The following SYT1 variants were observed in gnomAD, a reference collection of about 807,000 sequenced individuals.
SYT1 encodes synaptotagmin-1.
In SYT1, 8 loss-of-function variants were observed where a neutral mutation model predicts 44.8. The observed-to-expected ratio is 0.18, with a 90% CI of 0.10 to 0.32. The LOEUF (loss-of-function observed/expected upper bound fraction) is 0.32, where lower values mean the gene tolerates loss of function less well. SYT1 is among the 10% of genes least tolerant of loss of function. The pLI is 1.00. For missense variants in SYT1, 286 were observed against 509.3 expected (o/e 0.56, Z 4.22); for synonymous variants, 154 against 188.8 (o/e 0.82, Z 1.51).
chr12:79,313,933 G>T (rs1328521574), intron 8 of SYT1, among the ~76,000 whole-genome samples: 1 of 151,806 alleles, frequency 6.6e-6, no homozygotes, highest in Non-Finnish European at 1.5e-5. Flanking sequence ...ACTTTGGGAG[G>T]CCGAGGCGGG....
chr12:78,960,927 A>C (rs1342658307), intron 1 of SYT1, among the ~76,000 whole-genome samples: 26 of 152,158 alleles, frequency 1.7e-4, no homozygotes, highest in Admixed American at 1.7e-3. Context: ...TAAAACTATC[A>C]GAATTGTTTT....
At chr12:79,143,602 C>G (rs1165830672) in intron 3 of SYT1, among the ~76,000 whole-genome samples, 1 of 152,180 alleles carries the variant, frequency 6.6e-6, no homozygotes, top group African/African-American at 2.4e-5. Context: ...ACCCACAACC[C>G]AGTCATTTTA....
intron 1 of SYT1, among the ~76,000 whole-genome samples, chr12:78,899,910 AT>A (rs1276959620): frequency 6.6e-6 from 1 of 152,048 alleles, no homozygotes; most frequent in Admixed American, 6.6e-5. Context: ...ATTTTGTTAT[AT>A]AATTGAATTT....
intron 3 of SYT1, among the ~76,000 whole-genome samples, chr12:79,103,610 CATA>C (rs1263025500): frequency 2.6e-5 from 4 of 151,676 alleles, no homozygotes; most frequent in Non-Finnish European, 5.9e-5. Flanking sequence ...AATAATATAG[CATA>C]ATATTTATTC....
intron 3 of SYT1, among the ~76,000 whole-genome samples, chr12:79,106,851 T>C (rs1878746285): frequency 1.3e-5 from 2 of 152,112 alleles, no homozygotes. Flanking sequence ...TGCTAGTTTT[T>C]CCTCTACTTT....
At chr12:79,230,753 C>A (rs1565865923) in intron 4 of SYT1, among the ~76,000 whole-genome samples, 1 of 152,026 alleles carries the variant, frequency 6.6e-6, no homozygotes, top group Non-Finnish European at 1.5e-5. Flanking sequence ...ACAGTAAGCA[C>A]AAAAAGCCAC....
chr12:79,107,638 T>C (rs1280769888), intron 3 of SYT1, among the ~76,000 whole-genome samples: 1 of 152,010 alleles, frequency 6.6e-6, no homozygotes, highest in African/African-American at 2.4e-5. Flanking sequence ...TTTGCAGAGC[T>C]CATGCTTATA....
At chr12:79,342,583 A>G (rs1278826220) in intron 8 of SYT1, among the ~76,000 whole-genome samples, 1 of 152,228 alleles carries the variant, frequency 6.6e-6, no homozygotes, top group Admixed American at 6.5e-5. Flanking sequence ...CAGGAAACCA[A>G]TTAAGAGGGT....
At chr12:79,172,138 A>T (rs1871566219) in intron 3 of SYT1, among the ~76,000 whole-genome samples, 1 of 152,018 alleles carries the variant, frequency 6.6e-6, no homozygotes, top group Non-Finnish European at 1.5e-5. Context: ...AACACATTTA[A>T]GTTCACAATA....
intron 3 of SYT1, among the ~76,000 whole-genome samples, chr12:79,185,042 G>A (rs562403861): frequency 6.6e-6 from 1 of 152,178 alleles, no homozygotes; most frequent in East Asian, 1.9e-4. Flanking sequence ...GCAAAAGGAA[G>A]TATCAAGAAG....
At chr12:79,407,913 G>A (rs1885299768) in intron 9 of SYT1, among the ~76,000 whole-genome samples, 1 of 152,062 alleles carries the variant, frequency 6.6e-6, no homozygotes, top group African/African-American at 2.4e-5. Flanking sequence ...CTTCCCAGAA[G>A]AACAACAGTT....
intron 2 of SYT1, among the ~76,000 whole-genome samples, chr12:79,034,802 C>T (rs560794899): frequency 1.3e-5 from 2 of 151,638 alleles, no homozygotes; most frequent in African/African-American, 2.4e-5. Flanking sequence ...TAATCTGACA[C>T]CTTTTTAAAA....
chr12:79,451,764 C>T lies in SYT1; in HGVS notation c.*2640C>T, dbSNP rs1388637995. ...TGCCTTTGTGTATATTTACTGCCTG[C>T]TTGAGTGTTTCTATGTGTGGGTTTT... On this transcript the variant is annotated 3_prime_UTR_variant, in exon 11 of 11. Transcript: ENST00000261205. The T allele has an allele frequency of 6.6e-6, 1 of 152,136 alleles. No individual in the cohort carries two copies. Among genetic ancestry groups the T allele is most frequent in the Non-Finnish European group, 1.5e-5 (1 of 68,036 alleles). 9.4% of individuals were successfully genotyped at this position (152,136 alleles called of 1,614,324 possible).
intron 4 of SYT1, among the ~76,000 whole-genome samples, chr12:79,243,265 G>T (rs1245809): frequency 1.3e-5 from 2 of 151,990 alleles, no homozygotes; most frequent in East Asian, 1.9e-4. Context: ...CCATTTTATC[G>T]TTTTTTCATG....
intron 1 of SYT1, among the ~76,000 whole-genome samples, chr12:78,931,238 A>AGAAAGAAAGAAAGAAG (rs1877667216): frequency 2.4e-5 from 1 of 41,122 alleles, no homozygotes; most frequent in Admixed American, 3.0e-4. Context: ...AAAGAAAGAA[A>AGAAAGAAAGAAAGAAG]GAAGGAAGGA....
chr12:79,419,609 A>G (rs918822367), intron 9 of SYT1, among the ~76,000 whole-genome samples: 75 of 152,204 alleles, frequency 4.9e-4, no homozygotes, highest in African/African-American at 1.6e-3. Context: ...TCTGACTCGG[A>G]GTACCTCAAT....
At chr12:78,876,700 A>G (rs1367943148) in intron 1 of SYT1, among the ~76,000 whole-genome samples, 1 of 118,726 alleles carries the variant, frequency 8.4e-6, no homozygotes, top group Non-Finnish European at 1.7e-5. Flanking sequence ...CACATGTAGT[A>G]TATTATATAA....
chr12:78,865,951 C>T (rs1435552902), intron 1 of SYT1, among the ~76,000 whole-genome samples: 3 of 151,550 alleles, frequency 2.0e-5, no homozygotes, highest in East Asian at 1.9e-4. Flanking sequence ...TAGATTATTA[C>T]TTTCCTGAGG....
intron 8 of SYT1, among the ~76,000 whole-genome samples, chr12:79,334,622 T>C (rs1388184401): frequency 1.4e-4 from 22 of 152,202 alleles, no homozygotes; most frequent in Admixed American, 1.4e-3. Flanking sequence ...GCATCCGCTC[T>C]CCTTGTTCTA....
Sources: gnomAD v4.1 joint callset for allele counts (sites outside exome capture counted in the v4.1 genomes callset) on GRCh38, gnomAD v4.1.1 for gene constraint, MANE v1.5 for transcripts, NCBI Gene and HGNC (gene_info 2026-07-23, HGNC 2026-07-21) for gene names.